The following APPBP2 variants were observed in gnomAD, a reference collection of about 807,000 sequenced individuals.
APPBP2 encodes the protein amyloid beta precursor protein binding protein 2, also known as amyloid protein-binding protein 2.
APPBP2 carries 15 observed loss-of-function variants against 76.0 expected under a neutral mutation model. That is an observed-to-expected ratio of 0.20 (90% CI 0.13 to 0.30). APPBP2 has a LOEUF of 0.30. APPBP2 is among the 10% of genes least tolerant of loss of function. The pLI, the probability that APPBP2 is intolerant of heterozygous loss-of-function variation, is 1.00. For synonymous variants in APPBP2, 222 were observed against 242.2 expected (o/e 0.92, Z 0.77); for missense variants, 401 against 687.2 (o/e 0.58, Z 4.66).
rs530022082 is a variant in APPBP2 at position 60,481,533 on chromosome 17, T to A, written c.380-2262A>T. Among the ~76,000 whole-genome samples, 16 of 152,284 alleles carry A rather than the reference T, an allele frequency of 1.1e-4. No individual in the cohort carries two copies. In the East Asian group the frequency reaches 2.3e-3, roughly 22 times the overall value. On this transcript the variant is annotated intron_variant, in intron 3 of 12. Transcript: ENST00000083182. ...CCACATCTTGTTGAGAAGGAGAAAA[T>A]TTATACAATGTACTTAATTTTATTT...
intron 5 of APPBP2, 25 bp from the exon 6 acceptor site, chr17:60,464,135 A>G: frequency 6.4e-7 from 1 of 1,559,794 alleles, no homozygotes; most frequent in East Asian, 2.2e-5. Context: ...TATAGAAGAG[A>G]CAGAACTGTG....
chr17:60,509,863 A>G (rs2090897857), intron 1 of APPBP2, among the ~76,000 whole-genome samples: 1 of 152,190 alleles, frequency 6.6e-6, no homozygotes, highest in South Asian at 2.1e-4. Context: ...CAAATATCAC[A>G]TGAAAGGGGA....
At chr17:60,506,483 C>CTATGTCA (rs1322595582) in intron 1 of APPBP2, among the ~76,000 whole-genome samples, 1 of 152,216 alleles carries the variant, frequency 6.6e-6, no homozygotes, top group East Asian at 1.9e-4. Context: ...CTCAACTACA[C>CTATGTCA]TATGTCACTT....
rs576185037 is a variant in APPBP2, at chr17:60,448,734, T to G, written c.1505-900A>C. Among the ~76,000 whole-genome samples, 205 of 152,290 alleles carry G rather than the reference T, an allele frequency of 1.3e-3. 1 individual carries two copies. Among genetic ancestry groups the G allele is most frequent in the African/African-American group, 4.9e-3 (202 of 41,556 alleles). On this transcript the variant is annotated intron_variant, in intron 12 of 12. Coordinates refer to ENST00000083182, the MANE Select transcript of APPBP2 (RefSeq NM_006380.5). ...AGTATCTATAGTATGCTATCTTTTG[T>G]GTATGATAGGGAAATAAGAAAATAT...
chr17:60,508,942 G>T (rs1345869625), intron 1 of APPBP2, among the ~76,000 whole-genome samples: 4 of 152,162 alleles, frequency 2.6e-5, no homozygotes, highest in Non-Finnish European at 2.9e-5. Context: ...ACAAACGAAT[G>T]TGTTTCTTAA....
At chr17:60,503,449 G>A (rs927427831) in intron 1 of APPBP2, among the ~76,000 whole-genome samples, 2 of 145,094 alleles carry the variant, frequency 1.4e-5, no homozygotes, top group East Asian at 1.9e-4. Context: ...GTACAGTGGC[G>A]TGACTGACTC....
intron 8 of APPBP2, 37 bp downstream of exon 8, chr17:60,461,768 TCAATA>T: frequency 3.5e-6 from 5 of 1,441,392 alleles, no homozygotes; most frequent in Non-Finnish European, 4.8e-6. Flanking sequence ...GGTCAGCAAG[TCAATA>T]CAGGTTGAAA....
chr17:60,495,869 G>T (rs2090772046), intron 2 of APPBP2, among the ~76,000 whole-genome samples: 1 of 152,034 alleles, frequency 6.6e-6, no homozygotes, highest in Admixed American at 6.6e-5. Flanking sequence ...ATAGCCAAAA[G>T]GTGGAAACAA....
intron 3 of APPBP2, among the ~76,000 whole-genome samples, chr17:60,486,747 C>T (rs183464845): frequency 9.9e-5 from 15 of 152,120 alleles, no homozygotes; most frequent in African/African-American, 2.4e-4. Flanking sequence ...TGATGTTAGC[C>T]GGTTATTTTG....
At chr17:60,507,660 T>C (rs1220901367) in intron 1 of APPBP2, among the ~76,000 whole-genome samples, 1 of 152,228 alleles carries the variant, frequency 6.6e-6, no homozygotes, top group Non-Finnish European at 1.5e-5. Flanking sequence ...AATTATTTAG[T>C]ATTGTTATTA....
At chr17:60,489,774 G>A (rs1171439520) in intron 3 of APPBP2, among the ~76,000 whole-genome samples, 1 of 152,136 alleles carries the variant, frequency 6.6e-6, no homozygotes, top group Non-Finnish European at 1.5e-5. Flanking sequence ...AGTGGCTCAC[G>A]CCTATAATCC....
At chr17:60,513,327 G>C (rs2090934351) in intron 1 of APPBP2, 5 of 591,824 alleles carry the variant, frequency 8.4e-6, no homozygotes, top group Admixed American at 2.6e-5. Flanking sequence ...TCAAATCAGA[G>C]TGGAAAACAC....
At chr17:60,504,763 A>G (rs749711913) in intron 1 of APPBP2, among the ~76,000 whole-genome samples, 43 of 152,182 alleles carry the variant, frequency 2.8e-4, no homozygotes, top group Non-Finnish European at 5.6e-4. Flanking sequence ...GATATTGCGC[A>G]CTGCACTCCA....
At chr17:60,460,897 T>G (rs1318990182) in intron 8 of APPBP2, 110 bp from the exon 9 acceptor site, 1 of 1,114,806 alleles carries the variant, frequency 9.0e-7, no homozygotes, top group Non-Finnish European at 1.2e-6. Flanking sequence ...CATAAAATTT[T>G]GAAGCCCAGA....
chr17:60,511,945 T>C (rs2090916931), intron 1 of APPBP2, among the ~76,000 whole-genome samples: 1 of 152,154 alleles, frequency 6.6e-6, no homozygotes, highest in South Asian at 2.1e-4. Context: ...CTGGGGATTC[T>C]GATTAAGTTC....
intron 4 of APPBP2, among the ~76,000 whole-genome samples, chr17:60,466,810 GA>G (rs1240241916): frequency 6.6e-6 from 1 of 152,084 alleles, no homozygotes; most frequent in Non-Finnish European, 1.5e-5. Context: ...AAATAATGAA[GA>G]AAATAAAATT....
chr17:60,494,252 T>C (rs1287888319), intron 3 of APPBP2, among the ~76,000 whole-genome samples: 3 of 152,230 alleles, frequency 2.0e-5, no homozygotes, highest in African/African-American at 4.8e-5. Context: ...TAAAATGCTA[T>C]TAATACCATC....
At chr17:60,509,644 A>G (rs1354985943) in intron 1 of APPBP2, among the ~76,000 whole-genome samples, 1 of 152,032 alleles carries the variant, frequency 6.6e-6, no homozygotes, top group African/African-American at 2.4e-5. Flanking sequence ...CTCTACTAAA[A>G]ATACAAAATT....
Position 60,448,439 on chromosome 17 carries a change from G to C in APPBP2, c.1505-605C>G, listed in dbSNP as rs547787458. 4.6e-5 allele frequency among the ~76,000 whole-genome samples: 7 copies of C among 152,270 alleles called. No individual in the cohort carries two copies. In the South Asian group the frequency reaches 8.3e-4, roughly 18 times the overall value. ...GATCAGGCCACTGCACTCCAGCTTG[G>C]GTGACAGAGAGAGACTCCGTCTCAA... On this transcript the variant is annotated intron_variant, in intron 12 of 12. Coordinates refer to ENST00000083182, the MANE Select transcript of APPBP2 (RefSeq NM_006380.5).
Sources: allele counts gnomAD v4.1 joint callset (sites outside exome capture counted in the v4.1 genomes callset), GRCh38; gene constraint gnomAD v4.1.1; transcripts MANE v1.5; gene names NCBI Gene and HGNC (gene_info 2026-07-23, HGNC 2026-07-21).